FCRL1: variants seen among roughly 807,000 people sequenced by gnomAD.
FCRL1 encodes the protein Fc receptor like 1.
FCRL1 carries 34 observed loss-of-function variants against 49.2 expected under a neutral mutation model. That is an observed-to-expected ratio of 0.69 (90% confidence interval 0.53 to 0.92). FCRL1 has a LOEUF of 0.92. Among genes scored for constraint, FCRL1 ranks in the 40% least tolerant of loss-of-function variants. The pLI, the probability that FCRL1 is intolerant of heterozygous loss-of-function variation, is 0.00. For missense variants in FCRL1, 524 were observed against 524.1 expected (o/e 1.00, Z 0.00); for synonymous variants, 218 against 201.6 (o/e 1.08, Z -0.69).
rs1652738074 is a variant in FCRL1, at chr1:157,802,681, T to C, written c.320-17A>G. On this transcript the variant is annotated splice_polypyrimidine_tract_variant and intron_variant, in intron 3 of 10. Transcript: ENST00000368176. ...CAGGGACCCCTGTGTGGACACAAGA[T>C]GACATAGGAAGACCCTGTGCAGGGA... is the stretch of plus-strand genomic sequence containing the variant. 6.2e-7 allele frequency: 1 copy of C among 1,606,700 alleles called. No individual in the cohort carries two copies. Among genetic ancestry groups the C allele is most frequent in the Admixed American group, 1.7e-5 (1 of 59,294 alleles).
chr1:157,804,033 TG>T lies in FCRL1; in HGVS notation c.130del (p.Gln44ArgfsTer53). 1 of 1,614,212 alleles carries T rather than the reference TG, an allele frequency of 6.2e-7. No individual in the cohort carries two copies. On this transcript the variant is annotated frameshift_variant, in exon 3 of 11. Coordinates refer to ENST00000368176, the MANE Select transcript of FCRL1 (RefSeq NM_052938.5). LOFTEE classifies it high-confidence loss of function. ...GAACTGGAACTGGGCATCTGAACTC[TG>T]TAGAAAGGGCATCTTACACGTCAGG... is the stretch of plus-strand genomic sequence containing the variant. ...VTLTCKMPFL[Q>X]SSDAQFQFCF...
chr1:157,820,103 G>C lies in FCRL1; in HGVS notation c.-66C>G. On this transcript the variant is annotated 5_prime_UTR_variant, in exon 1 of 11. Transcript: ENST00000368176. ...CAAAAAAAGAATGCACCTCAGAGTC[G>C]AGCAGCAGCAGCTCATCAGAGGTTT... 2.5e-6 allele frequency: 4 copies of C among 1,575,074 alleles called. No individual in the cohort carries two copies. Among genetic ancestry groups the C allele is most frequent in the Non-Finnish European group, 3.5e-6 (4 of 1,145,292 alleles).
At chr1:157,813,906 G>T (rs552272737) in intron 1 of FCRL1, among the ~76,000 whole-genome samples, 44 of 152,252 alleles carry the variant, frequency 2.9e-4, no homozygotes, top group African/African-American at 1.0e-3. Flanking sequence ...CAGAAATCAT[G>T]CAGGCCAGGA....
intron 10 of FCRL1, 90 bp downstream of exon 10, chr1:157,797,011 T>G (rs1651599855): frequency 7.7e-7 from 1 of 1,306,990 alleles, no homozygotes; most frequent in African/African-American, 1.5e-5. Context: ...GGATTTTTGC[T>G]CTTTCTAAGT....
intron 5 of FCRL1, 30 bp downstream of exon 5, chr1:157,801,885 A>T: frequency 1.3e-6 from 2 of 1,592,646 alleles, no homozygotes; most frequent in South Asian, 2.3e-5. Flanking sequence ...GGAGACATTG[A>T]CCAAGACAGT....
Position 157,798,215 on chromosome 1 carries a change from A to G in FCRL1, c.1060T>C (p.Phe354Leu). The G allele has an allele frequency of 6.2e-7, 1 of 1,612,770 alleles. No individual in the cohort carries two copies. Among genetic ancestry groups the G allele is most frequent in the Non-Finnish European group, 8.5e-7 (1 of 1,179,446 alleles). ...RSLPSPLPQE[F>L]TYLNSPTPGQ... is the part of the protein sequence containing the mutation. Reference sequence around the variant, plus strand: ...GGGGTAGGTGAGTTGAGGTAGGTGAACTCTTGGGGTAGAGGGCTGGGAAGG... The same window carrying G: ...GGGGTAGGTGAGTTGAGGTAGGTGAGCTCTTGGGGTAGAGGGCTGGGAAGG... The change falls in exon 8 of 11, where the codon TTC (phenylalanine) becomes CTC (leucine). Residue 354 changes from phenylalanine (F) to leucine (L), a missense_variant. Physicochemically the swap from Phe to Leu is conservative, Grantham distance 22 (BLOSUM62 0). Transcript: ENST00000368176.
intron 10 of FCRL1, 28 bp downstream of exon 10, chr1:157,797,073 T>A (rs761706780): frequency 6.2e-7 from 1 of 1,611,552 alleles, no homozygotes; most frequent in South Asian, 1.1e-5. Flanking sequence ...AGAAAGAACA[T>A]GGAAGAAAGA....
rs1484879134 is a variant in FCRL1 at position 157,801,517 on chromosome 1, G to A, written c.947C>T (p.Thr316Ile). 4.3e-6 allele frequency: 7 copies of A among 1,613,986 alleles called. No individual in the cohort carries two copies. Among genetic ancestry groups the A allele is most frequent in the Non-Finnish European group, 5.9e-6 (7 of 1,180,004 alleles). The change falls in exon 6 of 11, where the codon ACC becomes ATC. Residue 316 changes from threonine (T) to isoleucine (I), a missense_variant. By Grantham distance (89) the Thr-to-Ile change is moderately conservative (BLOSUM62 -1). Transcript: ENST00000368176. Reference sequence around the variant, plus strand: ...TAAGGCCACGGTGGCTGGACCAAGGGTGCTGAGCAGCCCCTCAATGACTCC... The same window carrying A: ...TAAGGCCACGGTGGCTGGACCAAGGATGCTGAGCAGCCCCTCAATGACTCC... ...TSGVIEGLLSTLGPATVALLF... is the reference protein window; with the variant it reads ...TSGVIEGLLSILGPATVALLF...
chr1:157,801,951 C>A lies in FCRL1; in HGVS notation c.850G>T (p.Ala284Ser). 6.2e-7 allele frequency: 1 copy of A among 1,614,112 alleles called. No homozygotes were observed. Among genetic ancestry groups the A allele is most frequent in the Non-Finnish European group, 8.5e-7 (1 of 1,179,960 alleles). ...AGTGTCACCGCCTCACTGCGCTGGG[C>A]CCCCAGGCCATTGTTGGCCTCACAG... ...YSCEANNGLG[A>S]QRSEAVTLNF... The change falls in exon 5 of 11, where the codon GCC becomes TCC. Residue 284 changes from alanine (A) to serine (S), a missense_variant. By Grantham distance (99) the Ala-to-Ser change is moderately conservative. Coordinates refer to ENST00000368176, the MANE Select transcript of FCRL1 (RefSeq NM_052938.5).
In FCRL1 at chr1:157,797,029, A is replaced by G. The variant is rs117070734; in HGVS notation, c.1218+72T>C. 1.7e-4 allele frequency: 252 copies of G among 1,508,420 alleles called. 3 individuals are homozygous for G. The East Asian group carries it at 5.6e-3, about 33-fold the overall frequency. 93.4% of individuals were successfully genotyped at this position (1,508,420 alleles called of 1,614,324 possible). A position where few individuals can be genotyped will look rare whatever the true frequency, so the allele number is the denominator to read the frequency against. ...TTTTTGCTCTTTCTAAGTGGCTATA[A>G]TTTAAGAAGTTTGAGAACCAGTCCC... On this transcript the variant is annotated intron_variant, in intron 10 of 10. Transcript: ENST00000368176.
In FCRL1 at chr1:157,802,025, C is replaced by A. The variant is rs754207669; in HGVS notation, c.776G>T (p.Gly259Val). Residue 259 changes from glycine to valine, a missense_variant, in exon 5 of 11, where the codon GGA (glycine) becomes GTA (valine). By Grantham distance (109) the Gly-to-Val change is moderately radical. Transcript: ENST00000368176. ...LGSRSAPSGGGASFNLSLTEE... is the reference protein window; with the variant it reads ...LGSRSAPSGGVASFNLSLTEE... ...AGTCAGGGAAAGGTTGAAGGAGGCT[C>A]CTCCTCCAGAGGGGGCCGACCTGCT... is the stretch of plus-strand genomic sequence containing the variant. 1 of 1,614,196 alleles carries A rather than the reference C, an allele frequency of 6.2e-7. No individual in the cohort carries two copies. Among genetic ancestry groups the A allele is most frequent in the East Asian group, 2.2e-5 (1 of 44,878 alleles).
At chr1:157,816,380 C>A (rs745698078) in intron 1 of FCRL1, among the ~76,000 whole-genome samples, 2 of 151,736 alleles carry the variant, frequency 1.3e-5, no homozygotes, top group African/African-American at 4.8e-5. Flanking sequence ...AAGCATTTGA[C>A]AAAATTCAAC....
intron 1 of FCRL1, among the ~76,000 whole-genome samples, chr1:157,814,493 C>A (rs1409922148): frequency 2.6e-5 from 4 of 151,748 alleles, no homozygotes; most frequent in Admixed American, 1.3e-4. Flanking sequence ...GGAATCAAAG[C>A]CTAGCACTAC....
chr1:157,798,436 A>T (rs1651895280), intron 7 of FCRL1, among the ~76,000 whole-genome samples, 193 bp from the exon 8 acceptor site: 1 of 152,162 alleles, frequency 6.6e-6, no homozygotes, highest in Non-Finnish European at 1.5e-5. Flanking sequence ...GGCACCGCAG[A>T]GCATGCACCA....
chr1:157,811,602 G>A (rs1041935729), intron 1 of FCRL1, among the ~76,000 whole-genome samples: 17 of 152,258 alleles, frequency 1.1e-4, no homozygotes, highest in African/African-American at 3.1e-4. Context: ...TTATTCTAGA[G>A]TAAGAGCCCA....
intron 5 of FCRL1, 48 bp downstream of exon 5, chr1:157,801,867 G>A (rs377635618): frequency 9.6e-6 from 15 of 1,560,740 alleles, no homozygotes; most frequent in Middle Eastern, 1.7e-4. Flanking sequence ...CTCCCAGGAC[G>A]CTGGGAAGGA....
chr1:157,815,610 G>C (rs1326067756), intron 1 of FCRL1, among the ~76,000 whole-genome samples: 1 of 151,690 alleles, frequency 6.6e-6, no homozygotes, highest in African/African-American at 2.4e-5. Context: ...AAAGACTGTG[G>C]CAGAAATAAA....
At chr1:157,804,286 A>G (rs1456560044) in intron 2 of FCRL1, 175 bp from the exon 3 acceptor site, 5 of 658,596 alleles carry the variant, frequency 7.6e-6, no homozygotes, top group African/African-American at 1.9e-5. Context: ...TTTGCCATGA[A>G]CTCACCCTGC....
intron 7 of FCRL1, 142 bp from the exon 8 acceptor site, chr1:157,798,385 C>T: frequency 5.7e-6 from 4 of 699,838 alleles, no homozygotes; most frequent in Non-Finnish European, 9.4e-6. Context: ...GAAGGCACAG[C>T]AGTGTGGTAT....
Sources: gnomAD v4.1 joint callset for allele counts (sites outside exome capture counted in the v4.1 genomes callset) on GRCh38, gnomAD v4.1.1 for gene constraint, MANE v1.5 for transcripts, NCBI Gene and HGNC (gene_info 2026-07-23, HGNC 2026-07-21) for gene names.